RASGEF1A: variants seen among roughly 807,000 people sequenced by gnomAD.
RASGEF1A encodes the protein RasGEF domain family member 1A.
RASGEF1A carries 18 observed loss-of-function variants against 56.4 expected under a neutral mutation model. The ratio of observed to expected loss-of-function variants is 0.32; its 90% CI spans 0.22 to 0.47. The LOEUF (loss-of-function observed/expected upper bound fraction) is 0.47. Among genes scored for constraint, RASGEF1A ranks in the 20% least tolerant of loss-of-function variants. The probability of loss-of-function intolerance (pLI) is 1.00; values close to 1 mark genes in which losing one functional copy is unlikely to be tolerated. For missense variants in RASGEF1A, 422 were observed against 627.1 expected, an observed-to-expected ratio of 0.67 and a Z score of 3.49; for synonymous variants, 245 against 242.6, an observed-to-expected ratio of 1.01 and a Z score of -0.09.
intron 1 of RASGEF1A, among the ~76,000 whole-genome samples, chr10:43,252,535 C>CT (rs1196346309): frequency 6.6e-6 from 1 of 152,042 alleles, no homozygotes; most frequent in South Asian, 2.1e-4. Flanking sequence ...GTCAGTGACT[C>CT]TGTCTTCCAA....
chr10:43,218,413 G>T (rs1182137240), intron 1 of RASGEF1A, among the ~76,000 whole-genome samples: 1 of 152,250 alleles, frequency 6.6e-6, no homozygotes, highest in Non-Finnish European at 1.5e-5. Context: ...GCTGGCTCTG[G>T]TCTAGGGATG....
chr10:43,243,376 G>A (rs147175256), intron 1 of RASGEF1A, among the ~76,000 whole-genome samples: 7,061 of 147,452 alleles, frequency 0.048, 186 homozygotes, highest in South Asian at 0.089. Flanking sequence ...CAGCTGCCCC[G>A]TCCGGGAGGT....
At chr10:43,218,855 T>C (rs1029005787) in intron 1 of RASGEF1A, among the ~76,000 whole-genome samples, 1 of 152,240 alleles carries the variant, frequency 6.6e-6, no homozygotes, top group Non-Finnish European at 1.5e-5. Flanking sequence ...TACAGACACA[T>C]GATTCATTTT....
chr10:43,208,321 C>G, intron 1 of RASGEF1A: 1 of 985,928 alleles, frequency 1.0e-6, no homozygotes, highest in Non-Finnish European at 1.2e-6. Flanking sequence ...CACTCTGACA[C>G]CCCACAAACT....
chr10:43,219,535 C>T (rs919760234), intron 1 of RASGEF1A, among the ~76,000 whole-genome samples: 1 of 152,214 alleles, frequency 6.6e-6, no homozygotes, highest in African/African-American at 2.4e-5. Flanking sequence ...CTGCTGGCTC[C>T]AGTAGGAAGG....
At chr10:43,220,418 A>C (rs1285406724) in intron 1 of RASGEF1A, among the ~76,000 whole-genome samples, 1 of 152,150 alleles carries the variant, frequency 6.6e-6, no homozygotes, top group Non-Finnish European at 1.5e-5. Flanking sequence ...GCTTGAGCCC[A>C]GGAGGTAAAG....
At chr10:43,211,927 G>A (rs1156468939) in intron 1 of RASGEF1A, among the ~76,000 whole-genome samples, 1 of 152,196 alleles carries the variant, frequency 6.6e-6, no homozygotes, top group Non-Finnish European at 1.5e-5. Context: ...AGGGAGAGAC[G>A]GAAGCTAGTG....
chr10:43,207,525 T>A (rs1164674134), intron 1 of RASGEF1A: 1 of 985,154 alleles, frequency 1.0e-6, no homozygotes, highest in Non-Finnish European at 1.2e-6. Flanking sequence ...CACCTAAAGG[T>A]TTCCTTGGAA....
chr10:43,256,574 A>AT (rs1836412132), intron 1 of RASGEF1A, among the ~76,000 whole-genome samples: 1 of 152,184 alleles, frequency 6.6e-6, no homozygotes, highest in South Asian at 2.1e-4. Flanking sequence ...ATTGTAATGC[A>AT]TGGGCTACCT....
At chr10:43,231,185 G>T (rs1223895998) in intron 1 of RASGEF1A, among the ~76,000 whole-genome samples, 1 of 152,266 alleles carries the variant, frequency 6.6e-6, no homozygotes, top group Non-Finnish European at 1.5e-5. Context: ...CCAGCCAGAA[G>T]ATGCGAAGCT....
At chr10:43,252,780 G>A (rs1287127108) in intron 1 of RASGEF1A, among the ~76,000 whole-genome samples, 6 of 152,084 alleles carry the variant, frequency 3.9e-5, no homozygotes, top group Admixed American at 1.3e-4. Flanking sequence ...AGGCTTGCAG[G>A]CTCCCTCTGC....
chr10:43,199,291 G>T (rs905616443), intron 7 of RASGEF1A, 97 bp from the exon 8 acceptor site: 6 of 931,284 alleles, frequency 6.4e-6, no homozygotes, highest in Non-Finnish European at 8.5e-6. Flanking sequence ...AGGACCTCGG[G>T]ACTTAGCTTC....
intron 1 of RASGEF1A, among the ~76,000 whole-genome samples, chr10:43,220,892 A>T (rs1187776710): frequency 6.6e-6 from 1 of 152,076 alleles, no homozygotes; most frequent in Non-Finnish European, 1.5e-5. Flanking sequence ...CAATGATCAG[A>T]TGATATCTGC....
intron 1 of RASGEF1A, chr10:43,208,704 A>G: frequency 1.0e-6 from 1 of 985,418 alleles, no homozygotes; most frequent in Non-Finnish European, 1.2e-6. Flanking sequence ...TCCTGCATCC[A>G]ACAAACCAAG....
At chr10:43,209,077 C>A in intron 1 of RASGEF1A, 1 of 985,498 alleles carries the variant, frequency 1.0e-6, no homozygotes, top group Non-Finnish European at 1.2e-6. Flanking sequence ...CGACAGGCAG[C>A]TGCAAACCTG....
chr10:43,243,331 C>T (rs1425693587), intron 1 of RASGEF1A, among the ~76,000 whole-genome samples: 1 of 151,852 alleles, frequency 6.6e-6, no homozygotes, highest in Non-Finnish European at 1.5e-5. Flanking sequence ...GCGCCTCTGC[C>T]CGGCCGCCCC....
At chr10:43,217,445 C>T (rs763294442) in intron 1 of RASGEF1A, among the ~76,000 whole-genome samples, 1 of 152,242 alleles carries the variant, frequency 6.6e-6, no homozygotes, top group Non-Finnish European at 1.5e-5. Context: ...CCTCCATCCC[C>T]ACTGCACCTA....
chr10:43,195,964 A>T lies in RASGEF1A; in HGVS notation c.*280T>A, dbSNP rs1233756118. 1 of 273,816 alleles carries T rather than the reference A, an allele frequency of 3.7e-6. No homozygotes were observed. Among genetic ancestry groups the T allele is most frequent in the African/African-American group, 2.2e-5 (1 of 45,598 alleles). The allele number at this position is 273,816 out of a possible 1,614,324, so 17.0% of individuals were successfully genotyped here. On this transcript the variant is annotated 3_prime_UTR_variant, in exon 13 of 13. Coordinates refer to ENST00000395810, the MANE Select transcript of RASGEF1A (RefSeq NM_145313.4). The surrounding 1 kb of genome is among the most constrained non-coding windows in gnomAD (Gnocchi z 4.2). ...AATCAAAAGTAGAAAATAAAAATCT[A>T]CATTTCATTAGAATAAGATGTTATC...
intron 1 of RASGEF1A, among the ~76,000 whole-genome samples, chr10:43,244,975 GAAAT>G (rs1840553910): frequency 6.6e-6 from 1 of 151,630 alleles, no homozygotes; most frequent in Admixed American, 6.6e-5. Flanking sequence ...GAAAGTAAAT[GAAAT>G]AGAGAGTAAA....
Sources: allele counts gnomAD v4.1 joint callset (sites outside exome capture counted in the v4.1 genomes callset), GRCh38; gene constraint gnomAD v4.1.1; non-coding constraint Gnocchi (gnomAD v3.1); transcripts MANE v1.5; gene names NCBI Gene and HGNC (gene_info 2026-07-23, HGNC 2026-07-21).